Variants in REEP3 observed in about 807,000 individuals in gnomAD.
REEP3 encodes the protein receptor accessory protein 3, also known as receptor expression-enhancing protein 3.
A neutral mutation model predicts 41.3 loss-of-function variants in REEP3; 20 were observed. The ratio of observed to expected loss-of-function variants is 0.48; its 90% CI spans 0.34 to 0.70. The LOEUF (loss-of-function observed/expected upper bound fraction) is 0.70. Ranked by LOEUF, REEP3 falls within the 30% of genes least tolerant of loss-of-function variation. REEP3 has a pLI of 0.01. For missense variants in REEP3, 271 were observed against 308.8 expected (o/e 0.88, Z 0.92); for synonymous variants, 104 against 101.8 (o/e 1.02, Z -0.13).
intron 5 of REEP3, among the ~76,000 whole-genome samples, chr10:63,601,025 G>A (rs1310207967): frequency 2.0e-5 from 3 of 151,884 alleles, no homozygotes; most frequent in Non-Finnish European, 2.9e-5. Context: ...TGGTGGGGGG[G>A]CGCCTGTAAT....
chr10:63,577,114 C>G lies in REEP3; in HGVS notation c.105+10704C>G, dbSNP rs540336401. On this transcript the variant is annotated intron_variant, in intron 2 of 7. Transcript: ENST00000373758. The stretch of plus-strand genomic sequence containing the variant: ...TTTAGGTATTTTCTCTTGTGCCAGT[C>G]AGATTCTTCAGAGAAGACTCTTCCA... Among the ~76,000 whole-genome samples the G allele has an allele frequency of 3.3e-5, 5 of 152,306 alleles. No individual in the cohort carries two copies. The East Asian group carries it at 9.6e-4, about 29-fold the overall frequency.
chr10:63,574,599 A>T (rs1298795731), intron 2 of REEP3, among the ~76,000 whole-genome samples: 1 of 152,142 alleles, frequency 6.6e-6, no homozygotes, highest in African/African-American at 2.4e-5. Flanking sequence ...AACACTATTC[A>T]CAGCTGATCT....
At chr10:63,582,602 A>T (rs1018733634) in intron 2 of REEP3, among the ~76,000 whole-genome samples, 3 of 152,394 alleles carry the variant, frequency 2.0e-5, no homozygotes, top group Admixed American at 6.5e-5. Flanking sequence ...ATAATATTTT[A>T]GTAAAATTAA....
intron 1 of REEP3, among the ~76,000 whole-genome samples, chr10:63,530,113 T>C (rs553760336): frequency 6.6e-6 from 1 of 152,290 alleles, no homozygotes; most frequent in South Asian, 2.1e-4. Context: ...TGCTATAATA[T>C]AGCAAGAGAA....
chr10:63,539,493 T>C (rs1007828759), intron 1 of REEP3, among the ~76,000 whole-genome samples: 1 of 152,172 alleles, frequency 6.6e-6, no homozygotes, highest in Admixed American at 6.6e-5. Flanking sequence ...AACTTTAAGC[T>C]CTTAGAAAAT....
chr10:63,572,349 G>A (rs1056019932), intron 2 of REEP3, among the ~76,000 whole-genome samples: 1 of 151,808 alleles, frequency 6.6e-6, no homozygotes, highest in African/African-American at 2.4e-5. Context: ...TACATGTGCG[G>A]AACGTGTAGG....
At chr10:63,538,749 T>G (rs1955499297) in intron 1 of REEP3, among the ~76,000 whole-genome samples, 1 of 151,948 alleles carries the variant, frequency 6.6e-6, no homozygotes, top group Non-Finnish European at 1.5e-5. Flanking sequence ...AATAAATAAA[T>G]AAATAAAGAT....
At chr10:63,597,011 G>A (rs55916702) in intron 3 of REEP3, among the ~76,000 whole-genome samples, 2,266 of 152,242 alleles carry the variant, frequency 0.015, 43 homozygotes, top group African/African-American at 0.045. Flanking sequence ...AGAGTTTGAG[G>A]GTAATGGGTA....
intron 2 of REEP3, among the ~76,000 whole-genome samples, chr10:63,589,783 A>AGCTTTT (rs1956041576): frequency 1.2e-5 from 1 of 82,574 alleles, no homozygotes; most frequent in Non-Finnish European, 2.6e-5. Flanking sequence ...ACAGCAGAAC[A>AGCTTTT]TCTTTTTTTT....
At chr10:63,613,370 C>A (rs1956290218) in intron 6 of REEP3, among the ~76,000 whole-genome samples, 1 of 152,022 alleles carries the variant, frequency 6.6e-6, no homozygotes, top group East Asian at 1.9e-4. Context: ...CTGTTTAGTT[C>A]TTAAATTTCA....
chr10:63,613,748 A>T (rs1325033137), intron 6 of REEP3, among the ~76,000 whole-genome samples: 1 of 152,208 alleles, frequency 6.6e-6, no homozygotes, highest in Non-Finnish European at 1.5e-5. Context: ...ATGCTAGGAT[A>T]ACTGTTAGAC....
intron 1 of REEP3, among the ~76,000 whole-genome samples, chr10:63,533,231 A>G (rs1955440852): frequency 6.6e-6 from 1 of 152,224 alleles, no homozygotes; most frequent in African/African-American, 2.4e-5. Context: ...ACTTTCACCA[A>G]AACTGTGAAG....
intron 4 of REEP3, 62 bp downstream of exon 4, chr10:63,598,206 G>T (rs901634162): frequency 1.6e-6 from 2 of 1,249,118 alleles, no homozygotes; most frequent in Admixed American, 2.1e-5. Flanking sequence ...GAGGCCAGGT[G>T]TGGTGGCTCA....
At chr10:63,603,743 A>G (rs1034063074) in intron 5 of REEP3, among the ~76,000 whole-genome samples, 2 of 152,206 alleles carry the variant, frequency 1.3e-5, no homozygotes, top group Non-Finnish European at 2.9e-5. Flanking sequence ...TGGAGACCCC[A>G]TCCTGGAGTC....
chr10:63,536,351 T>TC (rs1310585567), intron 1 of REEP3, among the ~76,000 whole-genome samples: 1 of 152,234 alleles, frequency 6.6e-6, no homozygotes, highest in Non-Finnish European at 1.5e-5. Flanking sequence ...TCAGTTATTA[T>TC]CCACAGTGGT....
rs568641383 is a variant in REEP3, at chr10:63,564,350, C to G, written c.33-1988C>G. 5.1e-4 allele frequency among the ~76,000 whole-genome samples: 77 copies of G among 152,316 alleles called. No homozygotes were observed. The South Asian group carries it at 0.016, about 31-fold the overall frequency. On this transcript the variant is annotated intron_variant, in intron 1 of 7. Coordinates refer to ENST00000373758, the MANE Select transcript of REEP3 (RefSeq NM_001001330.3). ...TCAGAAACACACATTAGGCCAGATGCTGTGGCTTGTGCCTGTAATCCCAGC... is the reference window on the plus strand; with the variant it reads ...TCAGAAACACACATTAGGCCAGATGGTGTGGCTTGTGCCTGTAATCCCAGC...
At chr10:63,562,535 G>C (rs1405807718) in intron 1 of REEP3, 2 of 456,394 alleles carry the variant, frequency 4.4e-6, no homozygotes, top group South Asian at 1.5e-5. Context: ...AGGATTACAG[G>C]CATGAGCCAC....
At chr10:63,589,043 G>A (rs866908085) in intron 2 of REEP3, among the ~76,000 whole-genome samples, 1 of 152,150 alleles carries the variant, frequency 6.6e-6, no homozygotes, top group South Asian at 2.1e-4. Context: ...CTGGAGCCAC[G>A]TAGATACACA....
chr10:63,618,678 C>T (rs1308352802), intron 6 of REEP3, among the ~76,000 whole-genome samples: 9 of 152,226 alleles, frequency 5.9e-5, no homozygotes, highest in Admixed American at 5.9e-4. Context: ...GGACCACAGA[C>T]CATGAGCACA....
Sources: gnomAD v4.1 joint callset for allele counts (sites outside exome capture counted in the v4.1 genomes callset) on GRCh38, gnomAD v4.1.1 for gene constraint, MANE v1.5 for transcripts, NCBI Gene and HGNC (gene_info 2026-07-23, HGNC 2026-07-21) for gene names.